The following CRB1 variants were observed in gnomAD, a reference collection of about 807,000 sequenced individuals.
The protein encoded by CRB1 is crumbs cell polarity complex component 1.
CRB1 carries 83 observed loss-of-function variants against 120.0 expected under a neutral mutation model. The observed-to-expected ratio is 0.69, with a 90% CI of 0.58 to 0.83. CRB1 has a LOEUF of 0.83. Among genes scored for constraint, CRB1 ranks in the 40% least tolerant of loss-of-function variants. CRB1 has a pLI of 0.00. For missense variants in CRB1, 1,699 were observed against 1,687.6 expected, an observed-to-expected ratio of 1.01 and a Z score of -0.12; for synonymous variants, 625 against 612.5, an observed-to-expected ratio of 1.02 and a Z score of -0.30.
the CRB1 span, among the ~76,000 whole-genome samples, chr1:197,235,894 A>G: frequency 6.6e-6 from 1 of 152,020 alleles, no homozygotes; most frequent in South Asian, 2.1e-4. Context: ...ATCATCTACC[A>G]TGATCCCATC....
At chr1:197,368,913 C>T (rs1661220959) in intron 5 of CRB1, among the ~76,000 whole-genome samples, 1 of 152,144 alleles carries the variant, frequency 6.6e-6, no homozygotes. Context: ...GATTTTCATA[C>T]CAGAGTTCTA....
chr1:197,414,504 A>G (rs1050536801), intron 5 of CRB1, among the ~76,000 whole-genome samples: 5 of 152,148 alleles, frequency 3.3e-5, no homozygotes, highest in Non-Finnish European at 5.9e-5. Flanking sequence ...TTTTTGAAAT[A>G]CAGTATTATT....
chr1:197,219,567 A>T, the CRB1 span, among the ~76,000 whole-genome samples: 1 of 152,248 alleles, frequency 6.6e-6, no homozygotes, highest in Non-Finnish European at 1.5e-5. Flanking sequence ...TTCACAGATG[A>T]GGCTAAGAGA....
At chr1:197,253,016 A>G in the CRB1 span, among the ~76,000 whole-genome samples, 2 of 152,036 alleles carry the variant, frequency 1.3e-5, no homozygotes, top group Non-Finnish European at 2.9e-5. Flanking sequence ...ATGCTTTACC[A>G]GCTATCTGGA....
chr1:197,297,744 A>T (rs918848992), intron 1 of CRB1, among the ~76,000 whole-genome samples: 1 of 152,158 alleles, frequency 6.6e-6, no homozygotes, highest in East Asian at 1.9e-4. Context: ...TTAAATGACA[A>T]CTGAGAAAAG....
chr1:197,320,353 C>T (rs1571833409), intron 1 of CRB1, among the ~76,000 whole-genome samples: 2 of 152,264 alleles, frequency 1.3e-5, no homozygotes, highest in African/African-American at 2.4e-5. Flanking sequence ...CTTTATTAGG[C>T]TATTCAGTGT....
At chr1:197,416,724 T>A (rs972657589) in intron 5 of CRB1, among the ~76,000 whole-genome samples, 4 of 152,166 alleles carry the variant, frequency 2.6e-5, no homozygotes, top group Non-Finnish European at 5.9e-5. Context: ...TTATTTATTA[T>A]TTTGAGACAG....
chr1:197,323,541 T>C (rs1224393530), intron 1 of CRB1, among the ~76,000 whole-genome samples: 1 of 152,214 alleles, frequency 6.6e-6, no homozygotes, highest in Non-Finnish European at 1.5e-5. Context: ...TATTAAAATA[T>C]ACATTGATTA....
At chr1:197,390,180 T>TG (rs1042822046) in intron 5 of CRB1, among the ~76,000 whole-genome samples, 21 of 18,646 alleles carry the variant, frequency 1.1e-3, no homozygotes, top group Non-Finnish European at 1.7e-3. Flanking sequence ...GGTGTTTGTG[T>TG]GGGGGGGAGG....
Position 197,434,920 on chromosome 1 carries a change from T to A in CRB1, c.3057T>A (p.Tyr1019Ter). The A allele has an allele frequency of 6.2e-7, 1 of 1,613,902 alleles. No individual in the cohort carries two copies. Among genetic ancestry groups the A allele is most frequent in the Admixed American group, 1.7e-5 (1 of 59,964 alleles). Reference sequence around the variant, plus strand: ...AATTGCAAAGTGGCAACAGCTTTTATATGCTAAGTCTGACAAGTTTGCAGT... The same window carrying A: ...AATTGCAAAGTGGCAACAGCTTTTAAATGCTAAGTCTGACAAGTTTGCAGT... ...FFQLQSGNSFYMLSLTSLQSV... is the reference protein window; with the variant it reads ...FFQLQSGNSF Residue 1019 changes from tyrosine to a stop codon, truncating the protein, a stop_gained, in exon 9 of 12, where the codon TAT (tyrosine) becomes TAA (stop). Transcript: ENST00000367400. LOFTEE classifies it high-confidence loss of function.
intron 7 of CRB1, among the ~76,000 whole-genome samples, chr1:197,428,817 A>C (rs1664727037): frequency 6.6e-6 from 1 of 152,216 alleles, no homozygotes; most frequent in Non-Finnish European, 1.5e-5. Flanking sequence ...GAAGTTTAGA[A>C]AGGTTATGTA....
chr1:197,310,130 C>G (rs1657426975), intron 1 of CRB1, among the ~76,000 whole-genome samples: 2 of 152,180 alleles, frequency 1.3e-5, no homozygotes, highest in African/African-American at 4.8e-5. Context: ...CACAGAGTTA[C>G]CCAACAGTGT....
At chr1:197,414,012 T>G (rs1457266706) in intron 5 of CRB1, 1 of 452,598 alleles carries the variant, frequency 2.2e-6, no homozygotes, top group Admixed American at 2.4e-5. Flanking sequence ...TAACTAACTC[T>G]CTTCTTATAT....
At chr1:197,327,904 A>C (rs1163603210) in intron 1 of CRB1, among the ~76,000 whole-genome samples, 1 of 152,198 alleles carries the variant, frequency 6.6e-6, no homozygotes, top group Non-Finnish European at 1.5e-5. Context: ...GCTGCTCTTA[A>C]AAAGAAAAAA....
At chr1:197,373,085 G>A (rs1661458820) in intron 5 of CRB1, among the ~76,000 whole-genome samples, 1 of 152,018 alleles carries the variant, frequency 6.6e-6, no homozygotes, top group Non-Finnish European at 1.5e-5. Context: ...TCCCTCCATG[G>A]CCATGAAACT....
chr1:197,445,508 A>G (rs1410202694), intron 11 of CRB1, among the ~76,000 whole-genome samples: 1 of 152,176 alleles, frequency 6.6e-6, no homozygotes, highest in African/African-American at 2.4e-5. Flanking sequence ...TATCTTTTCA[A>G]TTATCTTTTT....
chr1:197,419,809 C>A (rs868548946), intron 5 of CRB1, among the ~76,000 whole-genome samples: 489 of 126,938 alleles, frequency 3.9e-3, no homozygotes, highest in African/African-American at 4.7e-3. Context: ...CCCATCTCTA[C>A]AAAAAAAAAA....
chr1:197,326,566 G>A (rs1658502406), intron 1 of CRB1, among the ~76,000 whole-genome samples: 1 of 152,082 alleles, frequency 6.6e-6, no homozygotes, highest in Non-Finnish European at 1.5e-5. Context: ...GGGAGATGGA[G>A]GTTGCAGTGA....
chr1:197,298,052 G>A (rs1299904335), intron 1 of CRB1, among the ~76,000 whole-genome samples: 4 of 151,998 alleles, frequency 2.6e-5, no homozygotes, highest in Non-Finnish European at 5.9e-5. Context: ...AAGAGGGGAA[G>A]GCAGATACTA....
Sources: gnomAD v4.1 joint callset for allele counts (sites outside exome capture counted in the v4.1 genomes callset) on GRCh38, gnomAD v4.1.1 for gene constraint, MANE v1.5 for transcripts, NCBI Gene and HGNC (gene_info 2026-07-23, HGNC 2026-07-21) for gene names.